PDLIM5: variants seen among roughly 807,000 people sequenced by gnomAD.
PDLIM5 encodes the protein PDZ and LIM domain 5.
Under a neutral mutation model 64.2 loss-of-function variants are expected in PDLIM5, and 34 were observed. That is an observed-to-expected ratio of 0.53 (90% CI 0.40 to 0.71). The LOEUF (loss-of-function observed/expected upper bound fraction) is 0.71. Among genes scored for constraint, PDLIM5 ranks in the 30% least tolerant of loss-of-function variants. The pLI is 0.00. For missense variants in PDLIM5, 683 were observed against 733.6 expected, an observed-to-expected ratio of 0.93 and a Z score of 0.80; for synonymous variants, 253 against 269.1, an observed-to-expected ratio of 0.94 and a Z score of 0.59.
chr4:94,546,497 A>T (rs978865436), intron 3 of PDLIM5, among the ~76,000 whole-genome samples: 4 of 152,134 alleles, frequency 2.6e-5, no homozygotes, highest in Non-Finnish European at 5.9e-5. Flanking sequence ...AGCTATTAGG[A>T]AATCTTTGGA....
chr4:94,460,951 G>A (rs1723824202), intron 2 of PDLIM5, among the ~76,000 whole-genome samples: 1 of 152,186 alleles, frequency 6.6e-6, no homozygotes, highest in African/African-American at 2.4e-5. Flanking sequence ...GAGGCAAAGA[G>A]CTTTTCTTTA....
intron 8 of PDLIM5, among the ~76,000 whole-genome samples, chr4:94,621,023 A>G (rs938668225): frequency 1.5e-4 from 21 of 136,386 alleles, no homozygotes; most frequent in Non-Finnish European, 1.7e-4. Context: ...GTGAGCCAAG[A>G]TGGTGCCACT....
intron 8 of PDLIM5, among the ~76,000 whole-genome samples, chr4:94,627,982 T>A (rs1175208958): frequency 6.6e-6 from 1 of 152,224 alleles, no homozygotes; most frequent in East Asian, 1.9e-4. Context: ...TTGTATGTAC[T>A]AAGTAGTTGT....
At chr4:94,587,780 C>A in intron 7 of PDLIM5, 1 of 925,884 alleles carries the variant, frequency 1.1e-6, no homozygotes, top group Non-Finnish European at 1.3e-6. Flanking sequence ...TATTTCCTAT[C>A]AAAGGAAATA....
chr4:94,472,948 A>G (rs189576870), intron 2 of PDLIM5, among the ~76,000 whole-genome samples: 47 of 152,334 alleles, frequency 3.1e-4, no homozygotes, highest in Non-Finnish European at 5.4e-4. Context: ...TCTCAAATCT[A>G]TGTTTTAGGG....
At chr4:94,656,956 T>C (rs1173890603) in intron 10 of PDLIM5, 1 of 152,054 alleles carries the variant, frequency 6.6e-6, no homozygotes, top group Non-Finnish European at 1.5e-5. Flanking sequence ...GTTATTAAAT[T>C]ATATATATTA....
chr4:94,666,117 C>A lies in PDLIM5; in HGVS notation c.*2050C>A. 1 of 1,010,642 alleles carries A rather than the reference C, an allele frequency of 9.9e-7. No individual in the cohort carries two copies. 62.6% of individuals were successfully genotyped at this position (1,010,642 alleles called of 1,614,324 possible). On this transcript the variant is annotated 3_prime_UTR_variant, in exon 13 of 13. Transcript: ENST00000317968. ...GTCGAGACAGAGCCCTAGGTCCTTC[C>A]TGCCCCATCACTCACTTACGACATC... is the stretch of plus-strand genomic sequence containing the variant.
intron 3 of PDLIM5, among the ~76,000 whole-genome samples, chr4:94,552,849 A>T (rs890317790): frequency 6.6e-6 from 1 of 152,152 alleles, no homozygotes; most frequent in Non-Finnish European, 1.5e-5. Context: ...CATCAGGGTA[A>T]CATCAGGCAC....
At chr4:94,468,013 T>G (rs1406939169) in intron 2 of PDLIM5, among the ~76,000 whole-genome samples, 1 of 152,270 alleles carries the variant, frequency 6.6e-6, no homozygotes, top group African/African-American at 2.4e-5. Context: ...CTCCTAGAAC[T>G]GAACCTAATA....
intron 2 of PDLIM5, among the ~76,000 whole-genome samples, chr4:94,487,905 T>C (rs557801112): frequency 7.2e-5 from 11 of 152,304 alleles, no homozygotes; most frequent in Admixed American, 4.6e-4. Flanking sequence ...TTGTGCCTTA[T>C]TCAAGATTTA....
intron 8 of PDLIM5, 41 bp from the exon 9 acceptor site, chr4:94,640,234 TG>T: frequency 9.3e-7 from 1 of 1,077,376 alleles, no homozygotes; most frequent in Non-Finnish European, 1.4e-6. Flanking sequence ...AAGGTTTATA[TG>T]TGGCTTATTC....
At chr4:94,606,615 A>G (rs554566555) in intron 7 of PDLIM5, among the ~76,000 whole-genome samples, 40 of 152,338 alleles carry the variant, frequency 2.6e-4, no homozygotes, top group African/African-American at 9.6e-4. Flanking sequence ...CACCTAGAGC[A>G]GGGCTGGAAG....
intron 7 of PDLIM5, among the ~76,000 whole-genome samples, chr4:94,605,011 T>C (rs984161864): frequency 6.6e-6 from 1 of 152,268 alleles, no homozygotes; most frequent in Middle Eastern, 3.4e-3. Context: ...GTGAGTATAA[T>C]GTTATTTCAG....
At chr4:94,459,329 T>A (rs1004011142) in intron 2 of PDLIM5, among the ~76,000 whole-genome samples, 2 of 152,220 alleles carry the variant, frequency 1.3e-5, no homozygotes, top group African/African-American at 4.8e-5. Context: ...GATGTTTCTT[T>A]AAGAGATAAG....
At chr4:94,611,092 A>G in intron 7 of PDLIM5, 1 of 1,534,560 alleles carries the variant, frequency 6.5e-7, no homozygotes, top group Non-Finnish European at 8.7e-7. Context: ...GAAAGATATC[A>G]CTCACTCCTG....
chr4:94,644,079 A>C (rs1741210764), intron 9 of PDLIM5, among the ~76,000 whole-genome samples: 1 of 152,232 alleles, frequency 6.6e-6, no homozygotes, highest in African/African-American at 2.4e-5. Context: ...ATTAGAAAGA[A>C]CATAAATGTG....
At chr4:94,460,020 C>T (rs1238700096) in intron 2 of PDLIM5, among the ~76,000 whole-genome samples, 1 of 152,122 alleles carries the variant, frequency 6.6e-6, no homozygotes, top group Non-Finnish European at 1.5e-5. Context: ...ATAAATGGGC[C>T]CATTGTTAAT....
intron 9 of PDLIM5, among the ~76,000 whole-genome samples, chr4:94,650,429 G>A (rs1741751574): frequency 6.6e-6 from 1 of 152,078 alleles, no homozygotes; most frequent in Admixed American, 6.6e-5. Context: ...TCTTGAGCAC[G>A]TCAGTTTTTT....
At chr4:94,643,894 C>T (rs190746664) in intron 9 of PDLIM5, among the ~76,000 whole-genome samples, 129 of 152,232 alleles carry the variant, frequency 8.5e-4, no homozygotes, top group Middle Eastern at 3.4e-3. Context: ...TCTCTGAGCA[C>T]CCCTTTATTT....
Sources: allele counts gnomAD v4.1 joint callset (sites outside exome capture counted in the v4.1 genomes callset), GRCh38; gene constraint gnomAD v4.1.1; transcripts MANE v1.5; gene names NCBI Gene and HGNC (gene_info 2026-07-23, HGNC 2026-07-21).